KIF16B: variants seen among roughly 807,000 people sequenced by gnomAD.
KIF16B encodes kinesin-like protein KIF16B.
KIF16B carries 98 observed loss-of-function variants against 156.3 expected under a neutral mutation model. The ratio of observed to expected loss-of-function variants is 0.63; its 90% confidence interval spans 0.53 to 0.74. The LOEUF (loss-of-function observed/expected upper bound fraction) is 0.74, where lower values mean the gene tolerates loss of function less well. Among genes scored for constraint, KIF16B ranks in the 30% least tolerant of loss-of-function variants. KIF16B has a pLI of 0.00. For synonymous variants in KIF16B, 564 were observed against 583.7 expected, an observed-to-expected ratio of 0.97 and a Z score of 0.49; for missense variants, 1,421 against 1,606.5, an observed-to-expected ratio of 0.88 and a Z score of 1.97.
chr20:16,368,832 G>T (rs966153625), intron 22 of KIF16B: 3 of 985,684 alleles, frequency 3.0e-6, no homozygotes, highest in Non-Finnish European at 3.6e-6. Context: ...ACACTTCTTG[G>T]GACGTATGTT....
intron 25 of KIF16B, among the ~76,000 whole-genome samples, chr20:16,308,630 C>A (rs1357084135): frequency 2.0e-5 from 3 of 152,226 alleles, no homozygotes; most frequent in Non-Finnish European, 4.4e-5. Context: ...GCAGAACTCA[C>A]CAAGTTGGTT....
At chr20:16,459,259 T>G (rs1167398692) in intron 12 of KIF16B, among the ~76,000 whole-genome samples, 1 of 152,220 alleles carries the variant, frequency 6.6e-6, no homozygotes, top group Non-Finnish European at 1.5e-5. Context: ...CTCAAGAAGT[T>G]TGCAATTATA....
intron 1 of KIF16B, among the ~76,000 whole-genome samples, chr20:16,567,524 C>T (rs1008369146): frequency 2.6e-5 from 4 of 152,176 alleles, no homozygotes; most frequent in African/African-American, 7.2e-5. Context: ...CCAGAGGCAA[C>T]GTCACTACAT....
chr20:16,321,222 G>A (rs1272316022), intron 24 of KIF16B, among the ~76,000 whole-genome samples: 2 of 151,812 alleles, frequency 1.3e-5, no homozygotes, highest in African/African-American at 4.8e-5. Flanking sequence ...GGGATAATCT[G>A]TTCCTTTTTT....
chr20:16,465,840 C>G (rs2146711766), intron 12 of KIF16B, among the ~76,000 whole-genome samples: 1 of 152,176 alleles, frequency 6.6e-6, no homozygotes, highest in East Asian at 1.9e-4. Context: ...TCTTTCTTCT[C>G]TTTTCTTCCT....
In KIF16B at chr20:16,352,876, A is replaced by C. The variant is rs1049271053; in HGVS notation, c.3621+3454T>G. ...TCACACAAATCAGCTGGGACCCTAAATAAGCTGGCAGTGACACCAGCAAGC... is the reference window on the plus strand; with the variant it reads ...TCACACAAATCAGCTGGGACCCTAACTAAGCTGGCAGTGACACCAGCAAGC... On this transcript the variant is annotated intron_variant, in intron 23 of 25. Coordinates refer to ENST00000354981, the MANE Select transcript of KIF16B (RefSeq NM_024704.5). 3.9e-5 allele frequency among the ~76,000 whole-genome samples: 6 copies of C among 152,198 alleles called. No homozygotes were observed. The East Asian group carries it at 9.6e-4, about 24-fold the overall frequency.
chr20:16,503,331 C>T (rs1032843920), intron 10 of KIF16B, among the ~76,000 whole-genome samples: 7 of 152,222 alleles, frequency 4.6e-5, no homozygotes, highest in African/African-American at 1.7e-4. Flanking sequence ...ACAACTTCCA[C>T]CATAGAGCAA....
chr20:16,548,057 C>T (rs1278807200), intron 1 of KIF16B, among the ~76,000 whole-genome samples: 1 of 152,184 alleles, frequency 6.6e-6, no homozygotes, highest in Non-Finnish European at 1.5e-5. Context: ...GTTTCAGAGG[C>T]ACAATTAGTG....
chr20:16,371,615 GA>G (rs1433430234), intron 21 of KIF16B, 49 bp downstream of exon 21: 2 of 824,230 alleles, frequency 2.4e-6, no homozygotes, highest in Non-Finnish European at 3.7e-6. Context: ...AAGGAAAAAA[GA>G]AAGATGAACG....
chr20:16,358,079 C>T (rs2064479715), intron 22 of KIF16B, among the ~76,000 whole-genome samples: 1 of 152,132 alleles, frequency 6.6e-6, no homozygotes, highest in Non-Finnish European at 1.5e-5. Flanking sequence ...GTCCCAGCTA[C>T]TTGGGAGGCT....
At chr20:16,296,025 A>G (rs1386079034) in intron 25 of KIF16B, among the ~76,000 whole-genome samples, 1 of 152,162 alleles carries the variant, frequency 6.6e-6, no homozygotes, top group Non-Finnish European at 1.5e-5. Context: ...GGGGCCCAAG[A>G]GCTAATTAAG....
chr20:16,449,451 G>C (rs916880599), intron 12 of KIF16B, among the ~76,000 whole-genome samples: 1 of 152,142 alleles, frequency 6.6e-6, no homozygotes, highest in Non-Finnish European at 1.5e-5. Context: ...GAGCAAAATA[G>C]TTCTTCACTC....
chr20:16,570,781 C>T (rs187543448), intron 1 of KIF16B, among the ~76,000 whole-genome samples: 2 of 152,306 alleles, frequency 1.3e-5, no homozygotes, highest in Non-Finnish European at 2.9e-5. Context: ...CCTGCCATGA[C>T]CATTTGCTGT....
intron 25 of KIF16B, among the ~76,000 whole-genome samples, chr20:16,290,522 C>T (rs1197866115): frequency 6.6e-6 from 1 of 152,146 alleles, no homozygotes; most frequent in Non-Finnish European, 1.5e-5. Flanking sequence ...TTTTGAGATA[C>T]CAGGAGAGAT....
chr20:16,298,014 G>C (rs748833815), intron 25 of KIF16B, among the ~76,000 whole-genome samples: 17 of 152,240 alleles, frequency 1.1e-4, no homozygotes, highest in Non-Finnish European at 1.6e-4. Context: ...ATTGGCTCCT[G>C]GTCCTCTGGA....
intron 1 of KIF16B, among the ~76,000 whole-genome samples, chr20:16,548,591 T>C (rs571074602): frequency 1.3e-5 from 2 of 152,298 alleles, no homozygotes; most frequent in Admixed American, 6.5e-5. Flanking sequence ...ACCTCCTTAT[T>C]AGAATCTAAC....
intron 12 of KIF16B, among the ~76,000 whole-genome samples, chr20:16,448,751 C>T (rs1043086233): frequency 2.0e-5 from 3 of 152,170 alleles, no homozygotes; most frequent in African/African-American, 7.2e-5. Flanking sequence ...AAAAGATTTT[C>T]GAAAGCAAAA....
rs140232855 is a variant in KIF16B at position 16,548,122 on chromosome 20, G to A, written c.48-19682C>T. On this transcript the variant is annotated intron_variant, in intron 1 of 25. Transcript: ENST00000354981. ...AAGCCTAAAGGAGAAAACAAACTAT[G>A]ACACAGATCTGATCCCAACAGCCAG... Among the ~76,000 whole-genome samples the A allele has an allele frequency of 4.0e-3, 606 of 152,260 alleles. 1 individual carries two copies. The highest frequency in any genetic ancestry group is 0.024 in the Middle Eastern group (7 of 294).
chr20:16,415,831 C>G (rs1031860645), intron 15 of KIF16B, among the ~76,000 whole-genome samples: 2 of 152,118 alleles, frequency 1.3e-5, no homozygotes, highest in African/African-American at 4.8e-5. Context: ...AGTTTTGGTT[C>G]TGCATAAGCT....
Sources: allele counts gnomAD v4.1 joint callset (sites outside exome capture counted in the v4.1 genomes callset), GRCh38; gene constraint gnomAD v4.1.1; transcripts MANE v1.5; gene names NCBI Gene and HGNC (gene_info 2026-07-23, HGNC 2026-07-21).